The following SLC30A6 variants were observed in gnomAD, a reference collection of about 807,000 sequenced individuals.
SLC30A6 encodes zinc transporter 6.
A neutral mutation model predicts 63.0 loss-of-function variants in SLC30A6; 55 were observed. The ratio of observed to expected loss-of-function variants is 0.87; its 90% CI spans 0.70 to 1.09. The LOEUF is 1.09. Among genes scored for constraint, SLC30A6 ranks in the 50% least tolerant of loss-of-function variants. The pLI is 0.00. For synonymous variants in SLC30A6, 224 were observed against 186.1 expected, an observed-to-expected ratio of 1.20 and a Z score of -1.66; for missense variants, 587 against 549.2, an observed-to-expected ratio of 1.07 and a Z score of -0.69.
chr2:32,222,139 A>G lies in SLC30A6; in HGVS notation c.*1426A>G, dbSNP rs1049892984. On this transcript the variant is annotated 3_prime_UTR_variant, in exon 14 of 14. Transcript: ENST00000282587. ...AACTGTGATGAAATGTGAGAATTAC[A>G]TAGATTATGTTATTTTTTAGTTGTT... 1 of 151,922 alleles carries G rather than the reference A, an allele frequency of 6.6e-6. No individual in the cohort carries two copies. The highest frequency in any genetic ancestry group is 2.4e-5 in the African/African-American group (1 of 41,190). 9.4% of individuals were successfully genotyped at this position (151,922 alleles called of 1,614,324 possible).
At chr2:32,200,054 G>GTT (rs1253512201) in intron 10 of SLC30A6, among the ~76,000 whole-genome samples, 2 of 151,218 alleles carry the variant, frequency 1.3e-5, no homozygotes, top group African/African-American at 4.9e-5. Context: ...AGTGGAGGAG[G>GTT]TTATATATAT....
intron 10 of SLC30A6, chr2:32,201,687 A>G: frequency 1.4e-6 from 2 of 1,458,284 alleles, no homozygotes; most frequent in Non-Finnish European, 1.9e-6. Context: ...GAGGCAGAAG[A>G]GCTTTATGGA....
intron 10 of SLC30A6, among the ~76,000 whole-genome samples, chr2:32,199,315 A>G (rs1684061791): frequency 6.6e-6 from 1 of 152,248 alleles, no homozygotes; most frequent in Admixed American, 6.5e-5. Flanking sequence ...ACGAGTGTAC[A>G]AATATCTGAG....
At chr2:32,173,859 C>A (rs1319955493) in intron 2 of SLC30A6, among the ~76,000 whole-genome samples, 1 of 152,196 alleles carries the variant, frequency 6.6e-6, no homozygotes, top group Non-Finnish European at 1.5e-5. Flanking sequence ...GAACAACTCT[C>A]CTTCTGGAAC....
intron 11 of SLC30A6, among the ~76,000 whole-genome samples, 182 bp from the exon 12 acceptor site, chr2:32,206,704 G>A (rs528626075): frequency 6.6e-6 from 1 of 152,092 alleles, no homozygotes; most frequent in East Asian, 1.9e-4. Flanking sequence ...AACAGGTGTG[G>A]GCCAGTTGAT....
intron 1 of SLC30A6, among the ~76,000 whole-genome samples, chr2:32,169,260 C>G (rs573229375): frequency 6.6e-6 from 1 of 152,118 alleles, no homozygotes; most frequent in Non-Finnish European, 1.5e-5. Flanking sequence ...GCTTGACTTC[C>G]CGGGCTCATG....
chr2:32,168,623 A>G (rs1488741056), intron 1 of SLC30A6, among the ~76,000 whole-genome samples: 1 of 152,194 alleles, frequency 6.6e-6, no homozygotes, highest in Non-Finnish European at 1.5e-5. Context: ...GAAGTGAAAC[A>G]TGAAACTAAG....
intron 5 of SLC30A6, among the ~76,000 whole-genome samples, chr2:32,185,684 C>G (rs1453054744): frequency 6.6e-6 from 1 of 151,928 alleles, no homozygotes; most frequent in Non-Finnish European, 1.5e-5. Context: ...ATAAATCAAT[C>G]ATAAATCAAA....
chr2:32,201,718 G>A, intron 10 of SLC30A6: 1 of 1,369,360 alleles, frequency 7.3e-7, no homozygotes, highest in Non-Finnish European at 1.0e-6. Context: ...TCGGCTAATG[G>A]ATTATGGACC....
rs1036750024 is a variant in SLC30A6, at chr2:32,201,894, C to CA, written c.666-2689dup. The CA allele has an allele frequency of 4.1e-6, 6 of 1,468,820 alleles. No homozygotes were observed. In the African/African-American group the frequency reaches 7.1e-5, roughly 17 times the overall value. 91.0% of individuals were successfully genotyped at this position (1,468,820 alleles called of 1,614,324 possible). A position where few individuals can be genotyped will look rare whatever the true frequency, so the allele number is the denominator to read the frequency against. ...CAGATTACCTGGATGCTCCCAAGACCAAAAAAATTAAAATGAAAGAGAAGC... is the reference window on the plus strand; with the variant it reads ...CAGATTACCTGGATGCTCCCAAGACCAAAAAAAATTAAAATGAAAGAGAAGC... On this transcript the variant is annotated intron_variant, in intron 10 of 13. Transcript: ENST00000282587.
chr2:32,203,103 A>T, intron 10 of SLC30A6: 1 of 1,308,792 alleles, frequency 7.6e-7, no homozygotes, highest in Admixed American at 1.7e-5. Flanking sequence ...AAAAGACTTC[A>T]GAGAAGGTAG....
chr2:32,202,355 G>GT (rs895940579), intron 10 of SLC30A6: 3 of 345,910 alleles, frequency 8.7e-6, no homozygotes, highest in Admixed American at 3.6e-5. Flanking sequence ...TTGTTTGTTT[G>GT]TTTTTTGAGA....
intron 4 of SLC30A6, among the ~76,000 whole-genome samples, chr2:32,180,465 G>C (rs539793587): frequency 2.0e-5 from 3 of 151,700 alleles, no homozygotes; most frequent in Admixed American, 6.6e-5. Context: ...GCCTCATCCT[G>C]TCACCCAAGC....
chr2:32,185,501 A>T (rs930787091), intron 5 of SLC30A6, among the ~76,000 whole-genome samples: 134 of 152,232 alleles, frequency 8.8e-4, no homozygotes, highest in African/African-American at 3.0e-3. Context: ...TTACCTGAAG[A>T]GGCATATCGA....
Position 32,184,329 on chromosome 2 carries a change from A to G in SLC30A6, c.275A>G (p.Tyr92Cys). ...ACATTGAGGAAACCTAGCCCTGTCTATTCATTTGGGTAAGTTCAAATTATT... is the reference window on the plus strand; with the variant it reads ...ACATTGAGGAAACCTAGCCCTGTCTGTTCATTTGGGTAAGTTCAAATTATT... Reference protein sequence around the residue: ...WVTLRKPSPVYSFGFERLEVL... With the variant: ...WVTLRKPSPVCSFGFERLEVL... Residue 92 changes from tyrosine to cysteine, a missense_variant, in exon 5 of 14, where the codon TAT (tyrosine) becomes TGT (cysteine). Coordinates refer to ENST00000282587, the MANE Select transcript of SLC30A6 (RefSeq NM_017964.5). 6.7e-7 allele frequency: 1 copy of G among 1,499,440 alleles called. No individual in the cohort carries two copies. Among genetic ancestry groups the G allele is most frequent in the African/African-American group, 1.4e-5 (1 of 71,648 alleles). 92.9% of individuals were successfully genotyped at this position (1,499,440 alleles called of 1,614,324 possible). A position where few individuals can be genotyped will look rare whatever the true frequency, so the allele number is the denominator to read the frequency against.
chr2:32,179,232 A>G lies in SLC30A6; in HGVS notation c.218+3871A>G, dbSNP rs113499719. ...AGCATCTCGAGGGCAATTTGGCAAT[A>G]TCAATTAAATTTATAAATGCCCATA... On this transcript the variant is annotated intron_variant, in intron 4 of 13. Coordinates refer to ENST00000282587, the MANE Select transcript of SLC30A6 (RefSeq NM_017964.5). 2.9e-3 allele frequency among the ~76,000 whole-genome samples: 449 copies of G among 152,286 alleles called. 4 individuals are homozygous for G. The highest frequency in any genetic ancestry group is 0.01 in the African/African-American group (424 of 41,552).
chr2:32,220,955 GATT>G lies in SLC30A6; in HGVS notation c.*243_*245del. The G allele has an allele frequency of 2.3e-6, 1 of 431,868 alleles. No individual in the cohort carries two copies. The allele number at this position is 431,868 out of a possible 1,614,324, so 26.8% of individuals were successfully genotyped here. A position where few individuals can be genotyped will look rare whatever the true frequency, so the allele number is the denominator to read the frequency against. On this transcript the variant is annotated 3_prime_UTR_variant, in exon 14 of 14. Transcript: ENST00000282587. ...TAGAAAATGTGTTTCTTTAAATTTG[GATT>G]TTGGTATCTTTGGTTTTGTAGTTGA...
At chr2:32,181,782 C>T (rs1299595372) in intron 4 of SLC30A6, among the ~76,000 whole-genome samples, 7 of 151,852 alleles carry the variant, frequency 4.6e-5, no homozygotes, top group South Asian at 2.1e-4. Flanking sequence ...GTGGGAGAAT[C>T]GCTTGAGCCT....
At chr2:32,193,859 A>G in intron 7 of SLC30A6, 30 bp from the exon 8 acceptor site, 4 of 1,545,706 alleles carry the variant, frequency 2.6e-6, no homozygotes, top group Non-Finnish European at 3.6e-6. Flanking sequence ...AGAACAAATT[A>G]AAGGTGAATG....
Sources: allele counts gnomAD v4.1 joint callset (sites outside exome capture counted in the v4.1 genomes callset), GRCh38; gene constraint gnomAD v4.1.1; transcripts MANE v1.5; gene names NCBI Gene and HGNC (gene_info 2026-07-23, HGNC 2026-07-21).